The following N4BP2 variants were observed in gnomAD, a reference collection of about 807,000 sequenced individuals.
The protein encoded by N4BP2 is NEDD4-binding protein 2.
In N4BP2, 91 loss-of-function variants were observed where a neutral mutation model predicts 152.8. That is an observed-to-expected ratio of 0.60 (90% CI 0.50 to 0.71). The LOEUF (loss-of-function observed/expected upper bound fraction) is 0.71, where lower values mean the gene tolerates loss of function less well. N4BP2 is among the 30% of genes least tolerant of loss of function. The pLI, the probability that N4BP2 is intolerant of heterozygous loss-of-function variation, is 0.00. For synonymous variants in N4BP2, 646 were observed against 705.3 expected, an observed-to-expected ratio of 0.92 and a Z score of 1.33; for missense variants, 1,923 against 2,059.1, an observed-to-expected ratio of 0.93 and a Z score of 1.28.
chr4:40,167,049 T>C, the N4BP2 span: 1 of 152,222 alleles, frequency 6.6e-6, no homozygotes, highest in African/African-American at 2.4e-5. Flanking sequence ...GTACACATTA[T>C]ATGTATTTTA....
At chr4:40,164,367 T>C in the N4BP2 span, among the ~76,000 whole-genome samples, 2 of 152,172 alleles carry the variant, frequency 1.3e-5, no homozygotes, top group Admixed American at 6.5e-5. Flanking sequence ...TGGCTGAGCA[T>C]GGAGATGATG....
At chr4:40,117,804 G>A in intron 7 of N4BP2, 65 bp from the exon 8 acceptor site, 1 of 1,392,968 alleles carries the variant, frequency 7.2e-7, no homozygotes, top group East Asian at 2.3e-5. Flanking sequence ...CTAGACATAT[G>A]TTCTGATTTT....
chr4:40,084,372 A>G (rs1308364177), intron 2 of N4BP2, among the ~76,000 whole-genome samples: 4 of 152,050 alleles, frequency 2.6e-5, no homozygotes, highest in African/African-American at 9.7e-5. Context: ...GATTGCAATT[A>G]CTATAGATAG....
At chr4:40,106,754 G>T in intron 4 of N4BP2, 146 bp from the exon 5 acceptor site, 1 of 652,246 alleles carries the variant, frequency 1.5e-6, no homozygotes, top group Non-Finnish European at 2.6e-6. Context: ...TCACCATGTT[G>T]GCCAGGCTGG....
chr4:40,121,086 C>G lies in N4BP2; in HGVS notation c.2975C>G (p.Pro992Arg), dbSNP rs139089220. 1.9e-6 allele frequency: 3 copies of G among 1,614,040 alleles called. No homozygotes were observed. Among genetic ancestry groups the G allele is most frequent in the Middle Eastern group, 1.6e-4 (1 of 6,062 alleles). Residue 992 changes from proline (P) to arginine (R), a missense_variant, in exon 9 of 18, where the codon CCA (proline) becomes CGA (arginine). Pro to Arg is a moderately radical substitution (Grantham distance 103, BLOSUM62 -2). Transcript: ENST00000261435. ...CCAACTGTTTCTGGAGTAGTAGAAC[C>G]ACAAACGTTAGCTGAATGTCAAGAG... ...SAPTVSGVVEPQTLAECQEQM... is the reference protein window; with the variant it reads ...SAPTVSGVVERQTLAECQEQM...
chr4:40,175,328 G>A, the N4BP2 span, among the ~76,000 whole-genome samples: 6 of 129,812 alleles, frequency 4.6e-5, no homozygotes, highest in East Asian at 1.4e-3. Flanking sequence ...TGGTATATAT[G>A]TGAAATATAG....
chr4:40,058,051 A>G (rs979023579), intron 1 of N4BP2, among the ~76,000 whole-genome samples: 1 of 152,336 alleles, frequency 6.6e-6, no homozygotes, highest in South Asian at 2.1e-4. Flanking sequence ...TTAACTCAGT[A>G]AAGGTGGCCA....
chr4:40,061,019 T>G (rs538366896), intron 1 of N4BP2, among the ~76,000 whole-genome samples: 6 of 152,162 alleles, frequency 3.9e-5, no homozygotes, highest in Non-Finnish European at 7.3e-5. Context: ...GTTGCCATAT[T>G]GCCCAGGCTG....
rs904793141 is a variant in N4BP2 at position 40,103,898 on chromosome 4, T to G, written c.1373+680T>G. Among the ~76,000 whole-genome samples the G allele has an allele frequency of 2.0e-5, 3 of 152,144 alleles. No individual in the cohort carries two copies. The East Asian group carries it at 5.8e-4, about 29-fold the overall frequency. The stretch of plus-strand genomic sequence containing the variant: ...TGAAGAGTATTGTTTTCATAGTCCC[T>G]CTCTATCCCTGCTTAACCTTTAAAT... On this transcript the variant is annotated intron_variant, in intron 4 of 17. Coordinates refer to ENST00000261435, the MANE Select transcript of N4BP2 (RefSeq NM_018177.6).
At chr4:40,096,878 TGAG>T (rs1348978490) in intron 2 of N4BP2, among the ~76,000 whole-genome samples, 1 of 152,146 alleles carries the variant, frequency 6.6e-6, no homozygotes. Context: ...AAGGGGGTGA[TGAG>T]GAGCTGTTTT....
At chr4:40,072,688 T>C (rs1363162499) in intron 1 of N4BP2, among the ~76,000 whole-genome samples, 1 of 150,544 alleles carries the variant, frequency 6.6e-6, no homozygotes, top group African/African-American at 2.4e-5. Context: ...GAGCTACCAC[T>C]CCCGGCCCCA....
intron 8 of N4BP2, among the ~76,000 whole-genome samples, chr4:40,118,871 C>T (rs192530776): frequency 3.7e-4 from 56 of 152,256 alleles, no homozygotes; most frequent in Middle Eastern, 3.4e-3. Context: ...TAAATAAAAA[C>T]AGCATTAACT....
intron 7 of N4BP2, among the ~76,000 whole-genome samples, chr4:40,113,934 G>C (rs1369744789): frequency 6.6e-6 from 1 of 152,106 alleles, no homozygotes; most frequent in Non-Finnish European, 1.5e-5. Flanking sequence ...TCTAAAGCTA[G>C]AACAGACCCT....
chr4:40,144,829 A>G (rs765702648), intron 16 of N4BP2, 29 bp downstream of exon 16: 16 of 1,568,606 alleles, frequency 1.0e-5, no homozygotes, highest in South Asian at 2.4e-5. Context: ...CAAGTTTTCA[A>G]TAGAATATAT....
Position 40,080,784 on chromosome 4 carries a change from C to T in N4BP2, c.-115+7233C>T, listed in dbSNP as rs533232862. 2.9e-3 allele frequency among the ~76,000 whole-genome samples: 444 copies of T among 150,530 alleles called. 5 individuals are homozygous for T. Among genetic ancestry groups the T allele is most frequent in the African/African-American group, 0.01 (418 of 40,990 alleles). On this transcript the variant is annotated intron_variant, in intron 2 of 17. Transcript: ENST00000261435. ...GCCATTCTGCTGCCTCAGCCTCCCA[C>T]GTAGCTGGGACTACAGGCGCCTGCC...
intron 2 of N4BP2, among the ~76,000 whole-genome samples, chr4:40,083,620 C>G (rs928505752): frequency 6.6e-6 from 1 of 152,090 alleles, no homozygotes; most frequent in Non-Finnish European, 1.5e-5. Context: ...ATATAAATGC[C>G]TAGAATAGGT....
Position 40,136,943 on chromosome 4 carries a change from G to C in N4BP2, c.4647-1G>C, listed in dbSNP as rs567220144. On this transcript the variant is annotated splice_acceptor_variant, in intron 13 of 17. Transcript: ENST00000261435. LOFTEE classifies it high-confidence loss of function. The stretch of plus-strand genomic sequence containing the variant: ...TATGTTTCTACTTAAATTTTCTACA[G>C]CTATTCATTAGAACACACAGTGCAA... The C allele has an allele frequency of 4.4e-6, 7 of 1,601,562 alleles. No individual in the cohort carries two copies. Among genetic ancestry groups the C allele is most frequent in the Non-Finnish European group, 6.0e-6 (7 of 1,172,622 alleles).
chr4:40,120,585 A>C lies in N4BP2; in HGVS notation c.2474A>C (p.His825Pro), dbSNP rs1015275392. 1.2e-6 allele frequency: 2 copies of C among 1,614,198 alleles called. No homozygotes were observed. The highest frequency in any genetic ancestry group is 4.5e-5 in the East Asian group (2 of 44,892). ...AAAAAGTATAATTACCCTCAGTCACACAAATTAGTTAACAGTGTATCTGTG... is the reference window on the plus strand; with the variant it reads ...AAAAAGTATAATTACCCTCAGTCACCCAAATTAGTTAACAGTGTATCTGTG... ...SDKKYNYPQS[H>P]KLVNSVSVNT... is the part of the protein sequence containing the mutation. The change falls in exon 9 of 18, where the codon CAC becomes CCC. Residue 825 changes from histidine (H) to proline (P), a missense_variant. Transcript: ENST00000261435.
chr4:40,125,702 A>G (rs1243080257), intron 11 of N4BP2, among the ~76,000 whole-genome samples: 1 of 152,116 alleles, frequency 6.6e-6, no homozygotes, highest in Non-Finnish European at 1.5e-5. Context: ...CCTGGCCAAC[A>G]TGGTGAAACC....
Sources: allele counts gnomAD v4.1 joint callset (sites outside exome capture counted in the v4.1 genomes callset), GRCh38; gene constraint gnomAD v4.1.1; transcripts MANE v1.5; gene names NCBI Gene and HGNC (gene_info 2026-07-23, HGNC 2026-07-21).